Variants in EPB41 observed in about 807,000 individuals in gnomAD.
EPB41 encodes protein 4.1.
EPB41 carries 65 observed loss-of-function variants against 108.0 expected under a neutral mutation model. The observed-to-expected ratio is 0.60, with a 90% confidence interval of 0.49 to 0.74. The LOEUF is 0.74. Among genes scored for constraint, EPB41 ranks in the 30% least tolerant of loss-of-function variants. The pLI is 0.00. For missense variants in EPB41, 875 were observed against 1,037.0 expected (o/e 0.84, Z 2.15); for synonymous variants, 336 against 358.9 (o/e 0.94, Z 0.72).
chr1:28,985,780 G>A (rs549193894), intron 1 of EPB41: 1 of 151,736 alleles, frequency 6.6e-6, no homozygotes, highest in South Asian at 2.1e-4. Context: ...GTTTCTTCTC[G>A]ACTCCCACTG....
At position 29,039,406 on chromosome 1, in the gene EPB41, C is replaced by A; in HGVS notation, c.1616C>A (p.Ala539Glu). 1 of 1,614,002 alleles carries A rather than the reference C, an allele frequency of 6.2e-7. No homozygotes were observed. The highest frequency in any genetic ancestry group is 8.5e-7 in the Non-Finnish European group (1 of 1,180,010). Residue 539 changes from alanine (A) to glutamate (E), a missense_variant, in exon 11 of 21, where the codon GCG becomes GAG. Ala to Glu is a moderately radical substitution (Grantham distance 107). Around this residue, in one of 3 missense-constraint regions of EPB41, gnomAD observed 519 missense variants for 627.3 expected, o/e 0.83. Coordinates refer to ENST00000343067, the MANE Select transcript of EPB41 (RefSeq NM_001376013.1). ...TTCGAGCGTACAGCAAGTAAACGGG[C>A]GTCCCGGAGCCTCGATGGAGGTTTG... ...PHFERTASKR[A>E]SRSLDGAAAV...
At chr1:28,897,637 G>C (rs1200854424) in intron 1 of EPB41, among the ~76,000 whole-genome samples, 2 of 104,682 alleles carry the variant, frequency 1.9e-5, no homozygotes, top group African/African-American at 4.1e-5. Flanking sequence ...GAGGAGGGGA[G>C]AGGAGGGGAG....
At chr1:28,929,905 T>C (rs1396722367) in intron 1 of EPB41, among the ~76,000 whole-genome samples, 1 of 149,418 alleles carries the variant, frequency 6.7e-6, no homozygotes, top group Non-Finnish European at 1.5e-5. Context: ...TATCATATGA[T>C]TTAACCATTT....
At chr1:28,936,405 T>TAA (rs34723499) in intron 1 of EPB41, among the ~76,000 whole-genome samples, 1 of 151,650 alleles carries the variant, frequency 6.6e-6, no homozygotes, top group Non-Finnish European at 1.5e-5. Flanking sequence ...ACTTGTATCC[T>TAA]AAAAAAAATT....
chr1:28,919,875 A>G (rs1205665908), intron 1 of EPB41, among the ~76,000 whole-genome samples: 5 of 151,916 alleles, frequency 3.3e-5, no homozygotes, highest in Non-Finnish European at 7.4e-5. Flanking sequence ...CTTTTTTGCA[A>G]GTTATCTCTT....
chr1:29,081,912 C>T (rs1340590692), intron 16 of EPB41, among the ~76,000 whole-genome samples: 1 of 151,012 alleles, frequency 6.6e-6, no homozygotes, highest in Non-Finnish European at 1.5e-5. Flanking sequence ...ACCTTGTGAT[C>T]TAAGTAAAAT....
chr1:29,115,906 G>A lies in EPB41; in HGVS notation c.*6+103G>A, dbSNP rs1212623729. Reference sequence around the variant, plus strand: ...ACTGGGAGCCCATCCCCACAAAGAGGTGTTCACCCTGGGACTTGATAAAGG... The same window carrying A: ...ACTGGGAGCCCATCCCCACAAAGAGATGTTCACCCTGGGACTTGATAAAGG... On this transcript the variant is annotated intron_variant, in intron 20 of 20. Transcript: ENST00000343067. The surrounding 1 kb of genome is among the most constrained non-coding windows in gnomAD (Gnocchi z 4.4). 1 of 871,468 alleles carries A rather than the reference G, an allele frequency of 1.1e-6. No individual in the cohort carries two copies. Among genetic ancestry groups the A allele is most frequent in the Non-Finnish European group, 1.9e-6 (1 of 522,472 alleles). 54.0% of individuals were successfully genotyped at this position (871,468 alleles called of 1,614,324 possible). A position where few individuals can be genotyped will look rare whatever the true frequency, so the allele number is the denominator to read the frequency against.
intron 1 of EPB41, among the ~76,000 whole-genome samples, chr1:28,986,671 T>C (rs2095874948): frequency 6.6e-6 from 1 of 152,110 alleles, no homozygotes; most frequent in Non-Finnish European, 1.5e-5. Flanking sequence ...AGTTCACGCC[T>C]GTAATCCCAG....
chr1:29,080,834 C>T (rs1656305608), intron 16 of EPB41, among the ~76,000 whole-genome samples: 1 of 152,194 alleles, frequency 6.6e-6, no homozygotes, highest in African/African-American at 2.4e-5. Context: ...AATCTTTAGT[C>T]CCTTTGGGAC....
chr1:28,923,619 G>A (rs1433935588), intron 1 of EPB41, among the ~76,000 whole-genome samples: 1 of 151,950 alleles, frequency 6.6e-6, no homozygotes, highest in Non-Finnish European at 1.5e-5. Flanking sequence ...TATTTTTGTT[G>A]ACTTATCCTT....
chr1:28,910,486 C>T (rs2147999505), upstream of EPB41, among the ~76,000 whole-genome samples: 1 of 152,278 alleles, frequency 6.6e-6, no homozygotes, highest in East Asian at 1.9e-4. Flanking sequence ...CCACCCTCCA[C>T]AACAGACACA....
intron 1 of EPB41, among the ~76,000 whole-genome samples, chr1:28,916,628 CT>C (rs2092693403): frequency 6.6e-6 from 1 of 152,100 alleles, no homozygotes; most frequent in Non-Finnish European, 1.5e-5. Flanking sequence ...CAGAGCAAAA[CT>C]GTCTCAAAAA....
At chr1:28,976,686 G>A (rs779790376) in intron 1 of EPB41, among the ~76,000 whole-genome samples, 3 of 138,332 alleles carry the variant, frequency 2.2e-5, no homozygotes, top group African/African-American at 5.6e-5. Context: ...TTTTCTAACC[G>A]TATCTCCCCC....
Position 29,058,871 on chromosome 1 carries a change from T to C in EPB41, c.1944+19T>C, listed in dbSNP as rs991418393. The stretch of plus-strand genomic sequence containing the variant: ...GAGGAAGGTTAGCCATTTTTCACTT[T>C]CACAAAACTACATTGCCATTTCACC... On this transcript the variant is annotated intron_variant, in intron 14 of 20. Coordinates refer to ENST00000343067, the MANE Select transcript of EPB41 (RefSeq NM_001376013.1). The C allele has an allele frequency of 1.3e-5, 20 of 1,547,282 alleles. No individual in the cohort carries two copies. The highest frequency in any genetic ancestry group is 1.7e-5 in the Non-Finnish European group (20 of 1,143,206).
At chr1:29,082,131 T>C (rs1009609311) in intron 16 of EPB41, among the ~76,000 whole-genome samples, 3 of 152,246 alleles carry the variant, frequency 2.0e-5, no homozygotes, top group African/African-American at 4.8e-5. Flanking sequence ...TTGTTTGTTT[T>C]GTTTCGTTTT....
At chr1:28,890,847 A>G (rs2090038294) in intron 1 of EPB41, 1 of 906,364 alleles carries the variant, frequency 1.1e-6, no homozygotes, top group Non-Finnish European at 1.3e-6. Flanking sequence ...GACCTAACTA[A>G]GAGTGGGAGC....
At chr1:28,901,842 TCTTA>T (rs2091352515) in intron 1 of EPB41, among the ~76,000 whole-genome samples, 1 of 152,170 alleles carries the variant, frequency 6.6e-6, no homozygotes, top group African/African-American at 2.4e-5. Context: ...CCTCCTGACT[TCTTA>T]CTTAAAATTG....
intron 17 of EPB41, among the ~76,000 whole-genome samples, chr1:29,103,459 G>A (rs1023632657): frequency 6.6e-6 from 1 of 152,176 alleles, no homozygotes; most frequent in Non-Finnish European, 1.5e-5. Context: ...CCTTGGGCAA[G>A]TCCCTTATCT....
intron 1 of EPB41, among the ~76,000 whole-genome samples, chr1:28,947,865 T>G (rs1261685589): frequency 1.3e-5 from 2 of 152,194 alleles, no homozygotes; most frequent in Non-Finnish European, 2.9e-5. Flanking sequence ...GTTTAGCCAC[T>G]TTAATGTTTA....
Sources: gnomAD v4.1 joint callset for allele counts (sites outside exome capture counted in the v4.1 genomes callset) on GRCh38, gnomAD v4.1.1 for gene constraint, gnomAD v4.1.1 regional missense constraint, Gnocchi (gnomAD v3.1) non-coding constraint, MANE v1.5 for transcripts, NCBI Gene and HGNC (gene_info 2026-07-23, HGNC 2026-07-21) for gene names.